The following KCNJ3 variants were observed in gnomAD, a reference collection of about 807,000 sequenced individuals.
KCNJ3 encodes the protein G protein-activated inward rectifier potassium channel 1.
A neutral mutation model predicts 39.2 loss-of-function variants in KCNJ3; 4 were observed. The observed-to-expected ratio is 0.10, with a 90% CI of 0.05 to 0.23. The LOEUF (loss-of-function observed/expected upper bound fraction) is 0.23. KCNJ3 is among the 10% of genes least tolerant of loss of function. The probability of loss-of-function intolerance (pLI) is 1.00; values close to 1 mark genes in which losing one functional copy is unlikely to be tolerated. For synonymous variants in KCNJ3, 230 were observed against 237.4 expected (o/e 0.97, Z 0.29); for missense variants, 276 against 634.9 (o/e 0.43, Z 6.08).
At chr2:154,745,019 G>C (rs2105177373) in intron 2 of KCNJ3, among the ~76,000 whole-genome samples, 1 of 151,842 alleles carries the variant, frequency 6.6e-6, no homozygotes, top group South Asian at 2.1e-4. Flanking sequence ...TTTGGTTTCT[G>C]TTTGGAAATT....
At chr2:154,761,003 C>T (rs1361681327) in intron 2 of KCNJ3, among the ~76,000 whole-genome samples, 5 of 150,342 alleles carry the variant, frequency 3.3e-5, no homozygotes, top group Admixed American at 6.6e-5. Context: ...TCCCAAAGTG[C>T]TGGGATTACA....
intron 2 of KCNJ3, among the ~76,000 whole-genome samples, chr2:154,813,321 C>T (rs1164450667): frequency 6.6e-6 from 1 of 152,094 alleles, no homozygotes; most frequent in Non-Finnish European, 1.5e-5. Flanking sequence ...AACCCCCATC[C>T]ATAATCTCTG....
intron 2 of KCNJ3, among the ~76,000 whole-genome samples, chr2:154,849,964 C>T (rs780319044): frequency 1.0e-4 from 14 of 138,372 alleles, no homozygotes; most frequent in Non-Finnish European, 1.8e-4. Flanking sequence ...TAATATATAC[C>T]CTTTTAAATC....
At chr2:154,704,617 G>A (rs1010870515) in intron 1 of KCNJ3, among the ~76,000 whole-genome samples, 4 of 152,086 alleles carry the variant, frequency 2.6e-5, no homozygotes, top group Non-Finnish European at 1.5e-5. Context: ...TCAAGCTTAA[G>A]GAGTCCAAAT....
rs549831510 is a variant in KCNJ3, at chr2:154,840,409, A to T, written c.920-14318A>T. Among the ~76,000 whole-genome samples the T allele has an allele frequency of 4.7e-4, 72 of 152,204 alleles. 1 individual carries two copies. Among genetic ancestry groups the T allele is most frequent in the Non-Finnish European group, 2.4e-4 (16 of 67,996 alleles). On this transcript the variant is annotated intron_variant, in intron 2 of 2. Transcript: ENST00000295101. ...GCTTTGTTCTTTTGGCTTAGGATTG[A>T]CTTGGCAATGTGGGCTCTTTTTTGG...
chr2:154,721,093 C>G (rs998737919), intron 2 of KCNJ3, among the ~76,000 whole-genome samples: 1 of 150,992 alleles, frequency 6.6e-6, no homozygotes, highest in African/African-American at 2.4e-5. Context: ...TTTAATTTTT[C>G]TACGTTCTGT....
chr2:154,709,965 T>A, intron 2 of KCNJ3, 146 bp downstream of exon 2: 2 of 934,570 alleles, frequency 2.1e-6, no homozygotes, highest in Non-Finnish European at 3.1e-6. Flanking sequence ...TTTGTAACAT[T>A]AAATTGATAC....
intron 2 of KCNJ3, among the ~76,000 whole-genome samples, chr2:154,833,503 G>A (rs1396744513): frequency 1.3e-5 from 2 of 152,170 alleles, no homozygotes; most frequent in Non-Finnish European, 2.9e-5. Flanking sequence ...GCAGCATGCT[G>A]TGGTACATCT....
intron 2 of KCNJ3, among the ~76,000 whole-genome samples, chr2:154,781,298 G>A (rs987481657): frequency 1.3e-5 from 2 of 152,114 alleles, no homozygotes; most frequent in African/African-American, 4.8e-5. Context: ...GTGGTAATTT[G>A]TTATAGTCAC....
chr2:154,799,888 C>G, intron 2 of KCNJ3, among the ~76,000 whole-genome samples: 1 of 152,062 alleles, frequency 6.6e-6, no homozygotes, highest in East Asian at 1.9e-4. Context: ...AGTCATAATT[C>G]GTAAGAAATT....
At chr2:154,738,468 C>G (rs1034890568) in intron 2 of KCNJ3, among the ~76,000 whole-genome samples, 5 of 151,812 alleles carry the variant, frequency 3.3e-5, no homozygotes, top group African/African-American at 1.2e-4. Context: ...GGATGGATAC[C>G]CCATTCTCTA....
At chr2:154,838,010 CTGAT>C (rs1324975655) in intron 2 of KCNJ3, among the ~76,000 whole-genome samples, 8 of 152,106 alleles carry the variant, frequency 5.3e-5, no homozygotes, top group African/African-American at 9.7e-5. Context: ...AATATTATTA[CTGAT>C]TGATTGAACT....
intron 2 of KCNJ3, among the ~76,000 whole-genome samples, chr2:154,754,332 C>T (rs1685901398): frequency 6.6e-6 from 1 of 152,012 alleles, no homozygotes. Flanking sequence ...TGAAATGGTG[C>T]GATCTCGGCT....
At chr2:154,770,358 T>A (rs1574455936) in intron 2 of KCNJ3, among the ~76,000 whole-genome samples, 1 of 152,178 alleles carries the variant, frequency 6.6e-6, no homozygotes, top group Non-Finnish European at 1.5e-5. Flanking sequence ...TCTTCCTGGT[T>A]CTTAATTCTG....
intron 2 of KCNJ3, among the ~76,000 whole-genome samples, chr2:154,830,105 A>AATAG (rs947863459): frequency 4.6e-5 from 7 of 152,218 alleles, no homozygotes; most frequent in African/African-American, 1.7e-4. Context: ...AAAAAGTGAA[A>AATAG]ATAGATAAGG....
intron 2 of KCNJ3, among the ~76,000 whole-genome samples, chr2:154,813,828 A>T (rs1286127430): frequency 4.6e-5 from 7 of 152,206 alleles, no homozygotes; most frequent in Non-Finnish European, 8.8e-5. Flanking sequence ...GGCCGTGATG[A>T]TGTCAACTGG....
chr2:154,836,586 T>G (rs2105125222), intron 2 of KCNJ3, among the ~76,000 whole-genome samples: 1 of 140,978 alleles, frequency 7.1e-6, no homozygotes, highest in Non-Finnish European at 1.5e-5. Context: ...AGCAATCATT[T>G]ATTTTTTCTT....
intron 2 of KCNJ3, among the ~76,000 whole-genome samples, chr2:154,766,536 T>C (rs1023434631): frequency 6.6e-6 from 1 of 151,620 alleles, no homozygotes; most frequent in South Asian, 2.1e-4. Context: ...ATTTATATAT[T>C]ATTTATTTGT....
At chr2:154,842,873 C>T (rs765068548) in intron 2 of KCNJ3, among the ~76,000 whole-genome samples, 4 of 152,034 alleles carry the variant, frequency 2.6e-5, no homozygotes, top group Non-Finnish European at 4.4e-5. Context: ...CACACTGATG[C>T]GTCTTGACTC....
Sources: allele counts gnomAD v4.1 joint callset (sites outside exome capture counted in the v4.1 genomes callset), GRCh38; gene constraint gnomAD v4.1.1; transcripts MANE v1.5; gene names NCBI Gene and HGNC (gene_info 2026-07-23, HGNC 2026-07-21).